VTI1A: variants seen among roughly 807,000 people sequenced by gnomAD.
VTI1A encodes the protein vesicle transport through interaction with t-SNAREs homolog 1A.
In VTI1A, 22 loss-of-function variants were observed where a neutral mutation model predicts 34.9. The ratio of observed to expected loss-of-function variants is 0.63; its 90% CI spans 0.45 to 0.90. The LOEUF (loss-of-function observed/expected upper bound fraction) is 0.90, where lower values mean the gene tolerates loss of function less well. VTI1A is among the 40% of genes least tolerant of loss of function. VTI1A has a pLI of 0.00. For missense variants in VTI1A, 268 were observed against 275.6 expected, an observed-to-expected ratio of 0.97 and a Z score of 0.20; for synonymous variants, 87 against 97.3, an observed-to-expected ratio of 0.89 and a Z score of 0.62.
chr10:112,716,995 A>T (rs142594901), intron 7 of VTI1A, among the ~76,000 whole-genome samples: 212 of 152,272 alleles, frequency 1.4e-3, no homozygotes, highest in African/African-American at 4.8e-3. Flanking sequence ...CCCCAAGCAA[A>T]CATAGTTGGA....
intron 4 of VTI1A, among the ~76,000 whole-genome samples, chr10:112,531,063 TCACA>T (rs10670312): frequency 0.021 from 2,985 of 139,906 alleles, 74 homozygotes; most frequent in African/African-American, 0.056. Flanking sequence ...GTGACACACC[TCACA>T]CACACACACA....
chr10:112,755,216 A>T (rs1851240014), intron 7 of VTI1A, among the ~76,000 whole-genome samples: 2 of 152,178 alleles, frequency 1.3e-5, no homozygotes, highest in Admixed American at 1.3e-4. Flanking sequence ...AGATTGTGCC[A>T]CTGCACTCCA....
chr10:112,469,275 A>C (rs12356449), intron 3 of VTI1A, among the ~76,000 whole-genome samples: 6,893 of 151,826 alleles, frequency 0.045, 218 homozygotes, highest in Non-Finnish European at 0.068. Flanking sequence ...TCACTTCTCC[A>C]AGGATACTTT....
At chr10:112,610,854 G>C (rs555882470) in intron 5 of VTI1A, among the ~76,000 whole-genome samples, 1 of 152,240 alleles carries the variant, frequency 6.6e-6, no homozygotes, top group Non-Finnish European at 1.5e-5. Flanking sequence ...GGGAGGCGGA[G>C]CTTGCAGTGA....
At chr10:112,851,896 C>A in the VTI1A span, among the ~76,000 whole-genome samples, 1 of 152,112 alleles carries the variant, frequency 6.6e-6, no homozygotes, top group African/African-American at 2.4e-5. Flanking sequence ...AAAATCTTTC[C>A]ATTGAATATT....
the VTI1A span, among the ~76,000 whole-genome samples, chr10:112,848,607 G>C: frequency 6.6e-6 from 1 of 152,186 alleles, no homozygotes; most frequent in African/African-American, 2.4e-5. Flanking sequence ...GTTTTCTGTG[G>C]ATAAGGTCTC....
At chr10:112,548,524 T>G in intron 5 of VTI1A, 1 of 612,572 alleles carries the variant, frequency 1.6e-6, no homozygotes, top group Non-Finnish European at 2.9e-6. Context: ...ACTACTAAAC[T>G]TAAATGGCCA....
At chr10:112,733,609 C>G (rs1850347119) in intron 7 of VTI1A, among the ~76,000 whole-genome samples, 1 of 152,114 alleles carries the variant, frequency 6.6e-6, no homozygotes, top group Non-Finnish European at 1.5e-5. Context: ...TCATCATCAT[C>G]TATGGAAGTC....
chr10:112,542,292 G>A (rs1850898666), intron 5 of VTI1A, among the ~76,000 whole-genome samples: 1 of 152,122 alleles, frequency 6.6e-6, no homozygotes, highest in African/African-American at 2.4e-5. Flanking sequence ...CCTCCCAACT[G>A]TCCCACCGGT....
chr10:112,576,869 C>T (rs771213448), intron 5 of VTI1A, among the ~76,000 whole-genome samples: 8 of 152,092 alleles, frequency 5.3e-5, no homozygotes, highest in Non-Finnish European at 1.0e-4. Flanking sequence ...CCCACACACA[C>T]AAAACTGAAA....
At chr10:112,662,183 C>T (rs148786580) in intron 5 of VTI1A, among the ~76,000 whole-genome samples, 2 of 152,136 alleles carry the variant, frequency 1.3e-5, no homozygotes, top group African/African-American at 2.4e-5. Context: ...ATCTGTGGAT[C>T]GGCTTTTTAC....
At chr10:112,797,947 C>T (rs986647850) in intron 7 of VTI1A, among the ~76,000 whole-genome samples, 5 of 152,202 alleles carry the variant, frequency 3.3e-5, no homozygotes, top group African/African-American at 4.8e-5. Context: ...CTACGTGAGT[C>T]AGTATCTGTG....
At chr10:112,560,175 A>G (rs1190307305) in intron 5 of VTI1A, among the ~76,000 whole-genome samples, 3 of 152,224 alleles carry the variant, frequency 2.0e-5, no homozygotes, top group Admixed American at 6.5e-5. Flanking sequence ...AAGATTTTCT[A>G]TTCAGGATTC....
intron 5 of VTI1A, among the ~76,000 whole-genome samples, chr10:112,562,824 A>G (rs187525422): frequency 6.6e-6 from 1 of 152,174 alleles, no homozygotes; most frequent in East Asian, 1.9e-4. Flanking sequence ...TTATAATAAA[A>G]TTTTCCCTAA....
the VTI1A span, chr10:112,827,850 G>A: frequency 2.0e-5 from 3 of 152,080 alleles, no homozygotes; most frequent in African/African-American, 7.2e-5. Context: ...TGAATTAGAC[G>A]CTGTCATTTT....
chr10:112,823,146 C>T (rs1378090060), downstream of VTI1A, among the ~76,000 whole-genome samples: 4 of 152,206 alleles, frequency 2.6e-5, no homozygotes, highest in Non-Finnish European at 2.9e-5. Flanking sequence ...TCCTTGCAAT[C>T]CCCATGACTG....
intron 1 of VTI1A, among the ~76,000 whole-genome samples, chr10:112,458,644 A>ATATTTTTATTTT (rs199782141): frequency 2.1e-4 from 31 of 149,016 alleles, no homozygotes; most frequent in Non-Finnish European, 2.7e-4. Context: ...AATTATATAT[A>ATATTTTTATTTT]TATTTTTATT....
At chr10:112,790,360 A>G (rs1196025482) in intron 7 of VTI1A, among the ~76,000 whole-genome samples, 1 of 152,162 alleles carries the variant, frequency 6.6e-6, no homozygotes, top group African/African-American at 2.4e-5. Context: ...TCTTCCCAGC[A>G]CATATATATA....
chr10:112,482,309 T>C (rs1406556646), intron 3 of VTI1A, among the ~76,000 whole-genome samples: 2 of 152,208 alleles, frequency 1.3e-5, no homozygotes, highest in Admixed American at 6.5e-5. Context: ...AATGTTTTCA[T>C]CATATAAATT....
Sources: gnomAD v4.1 joint callset for allele counts (sites outside exome capture counted in the v4.1 genomes callset) on GRCh38, gnomAD v4.1.1 for gene constraint, MANE v1.5 for transcripts, NCBI Gene and HGNC (gene_info 2026-07-23, HGNC 2026-07-21) for gene names.